The following RGS7 variants were observed in gnomAD, a reference collection of about 807,000 sequenced individuals.
RGS7 encodes regulator of G-protein signaling 7.
RGS7 carries 27 observed loss-of-function variants against 81.1 expected under a neutral mutation model. That is an observed-to-expected ratio of 0.33 (90% CI 0.25 to 0.46). The LOEUF (loss-of-function observed/expected upper bound fraction) is 0.46, where lower values mean the gene tolerates loss of function less well. Among genes scored for constraint, RGS7 ranks in the 20% least tolerant of loss-of-function variants. The probability of loss-of-function intolerance (pLI) is 1.00; values close to 1 mark genes in which losing one functional copy is unlikely to be tolerated. For synonymous variants in RGS7, 208 were observed against 207.7 expected, an observed-to-expected ratio of 1.00 and a Z score of -0.01; for missense variants, 396 against 607.4, an observed-to-expected ratio of 0.65 and a Z score of 3.66.
At chr1:240,967,348 G>C (rs1457662970) in intron 4 of RGS7, among the ~76,000 whole-genome samples, 1 of 152,196 alleles carries the variant, frequency 6.6e-6, no homozygotes, top group Non-Finnish European at 1.5e-5. Context: ...CCTCAGAGAA[G>C]TAGCTTCTAA....
chr1:240,846,088 T>A (rs183368477), intron 9 of RGS7, among the ~76,000 whole-genome samples: 1 of 152,316 alleles, frequency 6.6e-6, no homozygotes, highest in East Asian at 1.9e-4. Context: ...AATCTATCCA[T>A]TGAGTGTCTG....
intron 3 of RGS7, among the ~76,000 whole-genome samples, chr1:241,013,966 A>T (rs564475802): frequency 2.0e-5 from 3 of 152,372 alleles, no homozygotes; most frequent in South Asian, 4.1e-4. Flanking sequence ...TCCTACTCTC[A>T]GTAAAATTCC....
intron 2 of RGS7, among the ~76,000 whole-genome samples, chr1:241,200,388 C>T (rs1388745448): frequency 6.6e-6 from 1 of 152,026 alleles, no homozygotes; most frequent in African/African-American, 2.4e-5. Context: ...ACAAACTAAA[C>T]ACGTCCATGT....
chr1:241,292,966 G>A (rs938585964), intron 2 of RGS7, among the ~76,000 whole-genome samples: 4 of 152,144 alleles, frequency 2.6e-5, no homozygotes, highest in African/African-American at 7.2e-5. Context: ...ACCATTAAAC[G>A]CATCAGAAAA....
chr1:240,846,569 C>T lies in RGS7; in HGVS notation c.610-19397G>A, dbSNP rs888499087. On this transcript the variant is annotated intron_variant, in intron 9 of 18. Transcript: ENST00000440928. ...GCTTAACCTAGTTTTATTTTTTCCA[C>T]CACCCTTTCCAAATTCTATTTTCCC... Among the ~76,000 whole-genome samples, 5 of 152,116 alleles carry T rather than the reference C, an allele frequency of 3.3e-5. No homozygotes were observed. The South Asian group carries it at 6.2e-4, about 19-fold the overall frequency.
At chr1:241,083,112 C>A (rs1386509724) in intron 3 of RGS7, among the ~76,000 whole-genome samples, 1 of 151,094 alleles carries the variant, frequency 6.6e-6, no homozygotes, top group Non-Finnish European at 1.5e-5. Context: ...GTAATCCCAG[C>A]TATTTGGGAG....
Position 241,033,342 on chromosome 1 carries a change from G to C in RGS7, c.176-50213C>G, listed in dbSNP as rs538407531. Among the ~76,000 whole-genome samples the C allele has an allele frequency of 3.7e-4, 56 of 152,116 alleles. 1 individual carries two copies. Among genetic ancestry groups the C allele is most frequent in the South Asian group, 6.2e-4 (3 of 4,818 alleles). Reference sequence around the variant, plus strand: ...CTCCAGCCTGGGTGACAGAGCGAGAGTCCATCTAAAAAAAAGCTGGCTGGG... The same window carrying C: ...CTCCAGCCTGGGTGACAGAGCGAGACTCCATCTAAAAAAAAGCTGGCTGGG... On this transcript the variant is annotated intron_variant, in intron 3 of 18. Coordinates refer to ENST00000440928, the MANE Select transcript of RGS7 (RefSeq NM_001364886.1).
At chr1:240,794,473 G>A (rs1056095568) in intron 18 of RGS7, among the ~76,000 whole-genome samples, 1 of 152,196 alleles carries the variant, frequency 6.6e-6, no homozygotes, top group Non-Finnish European at 1.5e-5. Context: ...AATTTTCTCT[G>A]TTGGGATTAT....
At chr1:240,989,836 G>T (rs990617409) in intron 3 of RGS7, among the ~76,000 whole-genome samples, 8 of 152,082 alleles carry the variant, frequency 5.3e-5, no homozygotes, top group African/African-American at 1.9e-4. Context: ...ATCAAAGAAG[G>T]AATTTGCAAA....
At chr1:241,134,187 G>A (rs955905265) in intron 2 of RGS7, among the ~76,000 whole-genome samples, 1 of 152,182 alleles carries the variant, frequency 6.6e-6, no homozygotes, top group Non-Finnish European at 1.5e-5. Flanking sequence ...TCTCACATAT[G>A]GCTGGTGGCT....
chr1:241,193,751 C>T (rs1207100433), intron 2 of RGS7, among the ~76,000 whole-genome samples: 1 of 152,154 alleles, frequency 6.6e-6, no homozygotes. Context: ...ACTTCTGCTA[C>T]AGAAAGTCAG....
chr1:240,819,778 A>T (rs148416450), intron 10 of RGS7, among the ~76,000 whole-genome samples: 3 of 152,148 alleles, frequency 2.0e-5, no homozygotes, highest in African/African-American at 7.2e-5. Context: ...CCCATAAGAG[A>T]CCATGACCCA....
intron 6 of RGS7, among the ~76,000 whole-genome samples, chr1:240,876,925 C>T (rs1665520699): frequency 6.6e-6 from 1 of 152,118 alleles, no homozygotes; most frequent in African/African-American, 2.4e-5. Context: ...CAGGCCACTG[C>T]ACTCCAGCCT....
At chr1:240,827,279 A>T (rs1693005364) in intron 9 of RGS7, 107 bp from the exon 10 acceptor site, 1 of 865,802 alleles carries the variant, frequency 1.2e-6, no homozygotes, top group Non-Finnish European at 2.0e-6. Context: ...TGCCCCAATG[A>T]CACAAATCAA....
intron 6 of RGS7, among the ~76,000 whole-genome samples, chr1:240,911,115 TCTC>T (rs1035646551): frequency 1.2e-4 from 19 of 152,208 alleles, no homozygotes; most frequent in African/African-American, 4.1e-4. Context: ...TCTCAATCTC[TCTC>T]CTTTCATTGA....
chr1:241,024,870 C>CGA (rs3078644), intron 3 of RGS7, among the ~76,000 whole-genome samples: 46,182 of 151,950 alleles, frequency 0.3, 7,544 homozygotes, highest in Non-Finnish European at 0.37. Flanking sequence ...TTATCAAGAA[C>CGA]GAGAGTAAGT....
intron 4 of RGS7, among the ~76,000 whole-genome samples, chr1:240,957,744 C>A (rs1571988929): frequency 6.6e-6 from 1 of 152,218 alleles, no homozygotes; most frequent in East Asian, 1.9e-4. Context: ...TGTAAGATGT[C>A]CAATAATGAG....
At chr1:240,987,790 A>G (rs1236366150) in intron 3 of RGS7, among the ~76,000 whole-genome samples, 1 of 152,112 alleles carries the variant, frequency 6.6e-6, no homozygotes, top group Non-Finnish European at 1.5e-5. Context: ...TCAGCCTCCC[A>G]AAGCACTGAG....
intron 2 of RGS7, among the ~76,000 whole-genome samples, chr1:241,141,439 GA>G (rs1296699446): frequency 1.3e-5 from 2 of 152,206 alleles, no homozygotes; most frequent in African/African-American, 4.8e-5. Flanking sequence ...GAAACCCTGA[GA>G]CTGGGTAACT....
Sources: allele counts gnomAD v4.1 joint callset (sites outside exome capture counted in the v4.1 genomes callset), GRCh38; gene constraint gnomAD v4.1.1; transcripts MANE v1.5; gene names NCBI Gene and HGNC (gene_info 2026-07-23, HGNC 2026-07-21).